The following VRK2 variants were observed in gnomAD, a reference collection of about 807,000 sequenced individuals.
VRK2 encodes VRK serine/threonine kinase 2.
In VRK2, 60 loss-of-function variants were observed where a neutral mutation model predicts 57.6. That is an observed-to-expected ratio of 1.04 (90% confidence interval 0.85 to 1.29). The LOEUF (loss-of-function observed/expected upper bound fraction) is 1.29. Ranked by LOEUF, VRK2 falls within the 50% of genes most tolerant of loss-of-function variation. The probability of loss-of-function intolerance (pLI) is 0.00; values close to 1 mark genes in which losing one functional copy is unlikely to be tolerated. For synonymous variants in VRK2, 231 were observed against 199.2 expected (o/e 1.16, Z -1.35); for missense variants, 705 against 588.1 (o/e 1.20, Z -2.06).
At chr2:57,980,395 G>C (rs989806949) in intron 1 of VRK2, among the ~76,000 whole-genome samples, 1 of 152,160 alleles carries the variant, frequency 6.6e-6, no homozygotes, top group Non-Finnish European at 1.5e-5. Context: ...TGTGGTCTGA[G>C]AGTGTGATTA....
intron 2 of VRK2, among the ~76,000 whole-genome samples, chr2:58,080,982 T>C (rs575514501): frequency 6.6e-6 from 1 of 152,098 alleles, no homozygotes; most frequent in African/African-American, 2.4e-5. Flanking sequence ...TTAGATCTAA[T>C]ACCTAATGCT....
At chr2:57,989,799 T>C (rs1672707476) in intron 1 of VRK2, among the ~76,000 whole-genome samples, 1 of 152,218 alleles carries the variant, frequency 6.6e-6, no homozygotes, top group African/African-American at 2.4e-5. Context: ...TTTAAAACAA[T>C]GTTTATCTCC....
At chr2:57,965,469 T>C (rs766401746) in intron 1 of VRK2, among the ~76,000 whole-genome samples, 8 of 152,190 alleles carry the variant, frequency 5.3e-5, no homozygotes, top group Non-Finnish European at 1.2e-4. Flanking sequence ...ACTGGAGAAG[T>C]AAGACAAGGC....
chr2:58,057,797 G>C (rs950927254), intron 2 of VRK2, among the ~76,000 whole-genome samples: 3 of 152,032 alleles, frequency 2.0e-5, no homozygotes, highest in African/African-American at 7.2e-5. Context: ...TTATGTTTGA[G>C]GTCGGGAATT....
chr2:57,952,156 C>A (rs1042289053), intron 1 of VRK2, among the ~76,000 whole-genome samples: 1 of 151,772 alleles, frequency 6.6e-6, no homozygotes, highest in Non-Finnish European at 1.5e-5. Context: ...AGACATAATT[C>A]TATTGCACAC....
At chr2:58,082,723 A>C (rs1410816291) in intron 2 of VRK2, among the ~76,000 whole-genome samples, 1 of 151,872 alleles carries the variant, frequency 6.6e-6, no homozygotes, top group Non-Finnish European at 1.5e-5. Context: ...AACATGAATG[A>C]AGGCGAAAAG....
chr2:57,914,411 T>A (rs6710148), intron 1 of VRK2, among the ~76,000 whole-genome samples: 2,233 of 152,162 alleles, frequency 0.015, 62 homozygotes, highest in African/African-American at 0.051. Flanking sequence ...TCTATCCCGA[T>A]TCATTTTTTT....
chr2:57,928,735 T>C (rs1670622985), intron 1 of VRK2, among the ~76,000 whole-genome samples: 1 of 152,200 alleles, frequency 6.6e-6, no homozygotes, highest in Non-Finnish European at 1.5e-5. Context: ...TAATCTATGT[T>C]TTTAGTCTCT....
At chr2:57,959,799 T>C (rs1369498203) in intron 1 of VRK2, among the ~76,000 whole-genome samples, 1 of 152,098 alleles carries the variant, frequency 6.6e-6, no homozygotes, top group Non-Finnish European at 1.5e-5. Flanking sequence ...TGAATTCCCA[T>C]TTCCCCCTTT....
At chr2:58,090,738 C>G (rs1672262025) in intron 7 of VRK2, among the ~76,000 whole-genome samples, 1 of 152,128 alleles carries the variant, frequency 6.6e-6, no homozygotes, top group Admixed American at 6.6e-5. Flanking sequence ...AAACTTACAT[C>G]CACACAAAAA....
chr2:57,970,687 G>T (rs1672069634), intron 1 of VRK2, among the ~76,000 whole-genome samples: 2 of 151,744 alleles, frequency 1.3e-5, no homozygotes, highest in Admixed American at 1.3e-4. Flanking sequence ...AATTACAATT[G>T]TCTTACATAA....
At chr2:57,938,461 TGATAGGA>T (rs1670987431) in intron 1 of VRK2, among the ~76,000 whole-genome samples, 1 of 150,114 alleles carries the variant, frequency 6.7e-6, no homozygotes, top group Non-Finnish European at 1.5e-5. Context: ...AAGTACAAGG[TGATAGGA>T]GATTTAAAAG....
chr2:57,911,482 A>G (rs955493941), intron 1 of VRK2, among the ~76,000 whole-genome samples: 2 of 152,144 alleles, frequency 1.3e-5, no homozygotes, highest in Admixed American at 6.6e-5. Context: ...TGACCAACCC[A>G]CACCCATTGT....
chr2:58,043,511 C>A (rs1190864772), upstream of VRK2, among the ~76,000 whole-genome samples: 2 of 152,124 alleles, frequency 1.3e-5, no homozygotes, highest in African/African-American at 4.8e-5. Flanking sequence ...TCCTTTGTGT[C>A]TTCTTTTACA....
intron 1 of VRK2, among the ~76,000 whole-genome samples, chr2:57,927,544 G>C (rs574713400): frequency 1.7e-3 from 254 of 151,986 alleles, no homozygotes; most frequent in Middle Eastern, 3.4e-3. Flanking sequence ...CAAACTGATG[G>C]GCATATTTTA....
At chr2:58,027,182 C>T (rs193027665) in intron 2 of VRK2, among the ~76,000 whole-genome samples, 8 of 152,038 alleles carry the variant, frequency 5.3e-5, no homozygotes, top group Middle Eastern at 6.8e-3. Context: ...TGTTCCATCC[C>T]ATAGTACTCC....
intron 1 of VRK2, among the ~76,000 whole-genome samples, chr2:57,954,782 G>A (rs1298565043): frequency 6.6e-6 from 1 of 151,946 alleles, no homozygotes; most frequent in Non-Finnish European, 1.5e-5. Flanking sequence ...CAATATGTAA[G>A]GGTGAATTTA....
chr2:58,017,543 C>T (rs913278896), intron 1 of VRK2, among the ~76,000 whole-genome samples: 3 of 152,198 alleles, frequency 2.0e-5, no homozygotes, highest in African/African-American at 7.2e-5. Flanking sequence ...TGTTATCCAA[C>T]ACTGCTAATG....
intron 7 of VRK2, among the ~76,000 whole-genome samples, chr2:58,110,145 C>T (rs1033744429): frequency 1.4e-4 from 21 of 152,094 alleles, no homozygotes; most frequent in African/African-American, 5.1e-4. Context: ...GTATATGAAA[C>T]TTGTGTTTTT....
Sources: gnomAD v4.1 joint callset for allele counts (sites outside exome capture counted in the v4.1 genomes callset) on GRCh38, gnomAD v4.1.1 for gene constraint, MANE v1.5 for transcripts, NCBI Gene and HGNC (gene_info 2026-07-23, HGNC 2026-07-21) for gene names.